TRMT1L: variants seen among roughly 807,000 people sequenced by gnomAD.
TRMT1L encodes the protein tRNA (guanine(27)-N(2))-dimethyltransferase.
Under a neutral mutation model 81.6 loss-of-function variants are expected in TRMT1L, and 28 were observed. The observed-to-expected ratio is 0.34, with a 90% CI of 0.25 to 0.47. TRMT1L has a LOEUF of 0.47. TRMT1L is among the 20% of genes least tolerant of loss of function. TRMT1L has a pLI of 1.00. For synonymous variants in TRMT1L, 301 were observed against 303.2 expected (o/e 0.99, Z 0.07); for missense variants, 739 against 877.1 (o/e 0.84, Z 1.99).
intron 3 of TRMT1L, among the ~76,000 whole-genome samples, chr1:185,149,558 CT>C (rs978392563): frequency 6.6e-6 from 1 of 151,142 alleles, no homozygotes; most frequent in African/African-American, 2.4e-5. Context: ...CCTGCCTCAG[CT>C]TCCCAAAGTG....
At chr1:185,122,507 T>G (rs1652524010) in intron 13 of TRMT1L, among the ~76,000 whole-genome samples, 1 of 152,144 alleles carries the variant, frequency 6.6e-6, no homozygotes, top group Admixed American at 6.5e-5. Flanking sequence ...TTCAGCCTCC[T>G]GAGTAGCTGA....
At chr1:185,146,498 T>C (rs1653192021) in intron 4 of TRMT1L, among the ~76,000 whole-genome samples, 1 of 152,042 alleles carries the variant, frequency 6.6e-6, no homozygotes, top group Non-Finnish European at 1.5e-5. Context: ...GTGATTATCA[T>C]ATTCAAAATA....
intron 13 of TRMT1L, among the ~76,000 whole-genome samples, chr1:185,122,836 T>A (rs1272035842): frequency 6.6e-6 from 1 of 151,954 alleles, no homozygotes; most frequent in African/African-American, 2.4e-5. Flanking sequence ...AGGCTTGCAC[T>A]GACACACCTG....
intron 3 of TRMT1L, among the ~76,000 whole-genome samples, chr1:185,148,983 C>T (rs1346023580): frequency 6.6e-6 from 1 of 152,132 alleles, no homozygotes; most frequent in Non-Finnish European, 1.5e-5. Context: ...TAATCATATA[C>T]AAATATAAAT....
chr1:185,144,138 AT>A, intron 5 of TRMT1L, 109 bp from the exon 6 acceptor site: 1 of 1,116,480 alleles, frequency 9.0e-7, no homozygotes, highest in African/African-American at 1.6e-5. Context: ...ATAAATATAC[AT>A]TTTGAAAAAT....
intron 13 of TRMT1L, 24 bp downstream of exon 13, chr1:185,123,833 G>A (rs780575670): frequency 7.0e-7 from 1 of 1,438,274 alleles, no homozygotes. Flanking sequence ...ATGTACATAT[G>A]TACACACATA....
In TRMT1L at chr1:185,125,002, T is replaced by C. The variant is rs552294179; in HGVS notation, c.1701A>G (p.Ser567=). The part of the protein sequence containing the change: ...QTLIKTLIFE[S]ECTPQSQFSI... ...AAAACTGACTTTGAGGCGTACACTC[T>C]GATTCAAAGATTAATGTCTTTATTA... is the stretch of plus-strand genomic sequence containing the variant. Residue 567 remains serine, a synonymous_variant, in exon 12 of 15, where the codon TCA becomes TCG. Coordinates refer to ENST00000367506, the MANE Select transcript of TRMT1L (RefSeq NM_030934.5). 45 of 1,613,418 alleles carry C rather than the reference T, an allele frequency of 2.8e-5. No homozygotes were observed. In the East Asian group the frequency reaches 8.7e-4, roughly 31 times the overall value.
intron 11 of TRMT1L, among the ~76,000 whole-genome samples, chr1:185,127,759 CAAAAA>C (rs986438990): frequency 5.5e-5 from 2 of 36,448 alleles, no homozygotes; most frequent in Non-Finnish European, 1.2e-4. Flanking sequence ...AACTCTGTCT[CAAAAA>C]AAAAAAAAAA....
At chr1:185,156,436 T>C (rs1653569177) in intron 1 of TRMT1L, 42 bp downstream of exon 1, 1 of 1,613,546 alleles carries the variant, frequency 6.2e-7, no homozygotes, top group Non-Finnish European at 8.5e-7. Context: ...AGGCGCACTT[T>C]CTCTCTTCTG....
chr1:185,145,217 C>T (rs1329657499), intron 5 of TRMT1L, among the ~76,000 whole-genome samples: 1 of 151,750 alleles, frequency 6.6e-6, no homozygotes, highest in Non-Finnish European at 1.5e-5. Context: ...ACTTGAGTGT[C>T]ACTTACTTTT....
intron 10 of TRMT1L, among the ~76,000 whole-genome samples, chr1:185,132,506 G>A (rs367732833): frequency 3.7e-4 from 55 of 148,702 alleles, no homozygotes; most frequent in Middle Eastern, 3.4e-3. Context: ...GTGACATAGC[G>A]ATACTCCACC....
intron 12 of TRMT1L, 36 bp downstream of exon 12, chr1:185,124,908 A>G: frequency 6.4e-7 from 1 of 1,562,144 alleles, no homozygotes; most frequent in Non-Finnish European, 8.7e-7. Flanking sequence ...TTTGGTAAGC[A>G]GTTTAAAGCT....
At chr1:185,155,688 G>A (rs1202854225) in intron 1 of TRMT1L, among the ~76,000 whole-genome samples, 5 of 152,232 alleles carry the variant, frequency 3.3e-5, no homozygotes, top group African/African-American at 1.2e-4. Flanking sequence ...GTCTTTCTTA[G>A]ACCTTACATT....
chr1:185,121,170 T>C (rs1265624249), intron 13 of TRMT1L, among the ~76,000 whole-genome samples: 2 of 152,182 alleles, frequency 1.3e-5, no homozygotes, highest in African/African-American at 4.8e-5. Flanking sequence ...AATCACAACA[T>C]GAAAACAACT....
intron 9 of TRMT1L, 137 bp from the exon 10 acceptor site, chr1:185,137,933 T>A (rs1471581552): frequency 1.5e-5 from 11 of 742,102 alleles, no homozygotes; most frequent in Middle Eastern, 5.7e-4. Flanking sequence ...TCAGTAGCAG[T>A]GCTTTTAAAA....
intron 1 of TRMT1L, among the ~76,000 whole-genome samples, chr1:185,153,389 G>T (rs1467078351): frequency 6.6e-6 from 1 of 152,118 alleles, no homozygotes; most frequent in Non-Finnish European, 1.5e-5. Context: ...AAGGAATCAG[G>T]AATGTAGATT....
chr1:185,147,564 C>T (rs984536873), intron 3 of TRMT1L, among the ~76,000 whole-genome samples: 3 of 152,088 alleles, frequency 2.0e-5, no homozygotes, highest in Admixed American at 2.0e-4. Flanking sequence ...CTATTCTCTG[C>T]CACCTTGACT....
intron 4 of TRMT1L, among the ~76,000 whole-genome samples, chr1:185,145,958 C>T (rs1310420966): frequency 6.6e-6 from 1 of 151,900 alleles, no homozygotes; most frequent in Non-Finnish European, 1.5e-5. Flanking sequence ...CTGCTATAGC[C>T]AATTTCAAGC....
At chr1:185,132,982 C>T (rs1482310755) in intron 10 of TRMT1L, among the ~76,000 whole-genome samples, 1 of 152,104 alleles carries the variant, frequency 6.6e-6, no homozygotes, top group Non-Finnish European at 1.5e-5. Context: ...CAGATTTCAG[C>T]AGATACAGAA....
Sources: gnomAD v4.1 joint callset for allele counts (sites outside exome capture counted in the v4.1 genomes callset) on GRCh38, gnomAD v4.1.1 for gene constraint, MANE v1.5 for transcripts, NCBI Gene and HGNC (gene_info 2026-07-23, HGNC 2026-07-21) for gene names.